The following TMOD1 variants were observed in gnomAD, a reference collection of about 807,000 sequenced individuals.
The protein encoded by TMOD1 is tropomodulin-1.
A neutral mutation model predicts 40.6 loss-of-function variants in TMOD1; 17 were observed. The ratio of observed to expected loss-of-function variants is 0.42; its 90% CI spans 0.29 to 0.63. TMOD1 has a LOEUF of 0.63. Among genes scored for constraint, TMOD1 ranks in the 20% least tolerant of loss-of-function variants. The pLI is 0.22. For missense variants in TMOD1, 391 were observed against 447.6 expected (o/e 0.87, Z 1.14); for synonymous variants, 181 against 175.0 (o/e 1.03, Z -0.27).
At chr9:97,577,590 C>T (rs987596233) in intron 8 of TMOD1, among the ~76,000 whole-genome samples, 1 of 152,202 alleles carries the variant, frequency 6.6e-6, no homozygotes, top group East Asian at 1.9e-4. Context: ...GAGTTCAAGA[C>T]CAGCCTGGCC....
intron 1 of TMOD1, among the ~76,000 whole-genome samples, chr9:97,523,541 C>T (rs1829949715): frequency 6.6e-6 from 1 of 152,214 alleles, no homozygotes; most frequent in Admixed American, 6.5e-5. Flanking sequence ...AAGTCCTTCT[C>T]TATAAAATGG....
At chr9:97,542,849 C>CAA (rs35096378) in intron 2 of TMOD1, among the ~76,000 whole-genome samples, 88 of 99,972 alleles carry the variant, frequency 8.8e-4, no homozygotes, top group African/African-American at 2.9e-3. Flanking sequence ...GACTCCATCT[C>CAA]AAAAAAAAAA....
At chr9:97,562,694 G>T in intron 4 of TMOD1, 38 bp from the exon 5 acceptor site, 4 of 1,462,272 alleles carry the variant, frequency 2.7e-6, no homozygotes, top group Non-Finnish European at 3.6e-6. Flanking sequence ...TCTTCTGTCT[G>T]CAGAGGCACA....
chr9:97,559,794 AATATATATATAT>A (rs1193457397), intron 4 of TMOD1, among the ~76,000 whole-genome samples: 7 of 23,178 alleles, frequency 3.0e-4, no homozygotes, highest in Admixed American at 1.5e-3. Flanking sequence ...AAAAAAAAAA[AATATATATATAT>A]ATATATATAT....
intron 1 of TMOD1, among the ~76,000 whole-genome samples, chr9:97,514,243 G>C (rs1446225272): frequency 7.0e-6 from 1 of 143,252 alleles, no homozygotes; most frequent in Non-Finnish European, 1.5e-5. Context: ...TTTTTTTTGG[G>C]GGGGGGGTTG....
intron 2 of TMOD1, among the ~76,000 whole-genome samples, chr9:97,539,836 G>A (rs1830247284): frequency 6.6e-6 from 1 of 151,862 alleles, no homozygotes; most frequent in African/African-American, 2.4e-5. Flanking sequence ...CATGGTGGCA[G>A]GCGCCTGTAG....
Position 97,600,719 on chromosome 9 carries a change from A to G in TMOD1, c.*1021A>G. The stretch of plus-strand genomic sequence containing the variant: ...CTCCGCAGGATGCCGGACAATGGTG[A>G]AGAAACTCCAGATATCAAGGAATTG... On this transcript the variant is annotated 3_prime_UTR_variant, in exon 10 of 10. Transcript: ENST00000259365. 9.9e-7 allele frequency: 1 copy of G among 1,005,682 alleles called. No homozygotes were observed. The highest frequency in any genetic ancestry group is 1.2e-6 in the Non-Finnish European group (1 of 842,198). 62.3% of individuals were successfully genotyped at this position (1,005,682 alleles called of 1,614,324 possible).
chr9:97,553,193 C>T, intron 3 of TMOD1, 88 bp from the exon 4 acceptor site: 2 of 1,584,996 alleles, frequency 1.3e-6, no homozygotes, highest in Non-Finnish European at 1.7e-6. Context: ...ACCCACAGGG[C>T]TCTACAATGG....
In TMOD1 at chr9:97,564,076, G is replaced by A. The variant is rs1830687432; in HGVS notation, c.526G>A (p.Glu176Lys). 3.7e-6 allele frequency: 6 copies of A among 1,614,168 alleles called. No individual in the cohort carries two copies. The highest frequency in any genetic ancestry group is 2.2e-5 in the East Asian group (1 of 44,886). The change falls in exon 6 of 10, where the codon GAA (glutamate) becomes AAA (lysine). Residue 176 changes from glutamate to lysine, a missense_variant. By Grantham distance (56) the Glu-to-Lys change is moderately conservative (BLOSUM62 1). Coordinates refer to ENST00000259365, the MANE Select transcript of TMOD1 (RefSeq NM_003275.4). ...CACACAATACAAGCCTGTGCCCGAC[G>A]AAGAACCAAATTCAACAGACGTAGA... ...KPTQYKPVPD[E>K]EPNSTDVEET...
intron 2 of TMOD1, among the ~76,000 whole-genome samples, chr9:97,534,716 C>T (rs904018597): frequency 6.6e-5 from 10 of 152,188 alleles, no homozygotes; most frequent in African/African-American, 1.7e-4. Flanking sequence ...CCAGCTGGCC[C>T]TTGAAGGGCA....
intron 8 of TMOD1, among the ~76,000 whole-genome samples, chr9:97,575,097 C>T (rs1386800329): frequency 6.6e-6 from 1 of 152,212 alleles, no homozygotes; most frequent in Admixed American, 6.5e-5. Context: ...CTCTGTTTGC[C>T]ATAAATCTTG....
chr9:97,584,142 G>A (rs371749674), intron 8 of TMOD1, among the ~76,000 whole-genome samples: 1 of 151,430 alleles, frequency 6.6e-6, no homozygotes, highest in Non-Finnish European at 1.5e-5. Context: ...GGCATTTAGT[G>A]CTATAAATTT....
At chr9:97,510,485 C>T (rs1448202193) in intron 1 of TMOD1, among the ~76,000 whole-genome samples, 4 of 152,230 alleles carry the variant, frequency 2.6e-5, no homozygotes, top group Non-Finnish European at 5.9e-5. Flanking sequence ...CCCACGTCAG[C>T]CTCCCAAAGT....
At chr9:97,533,479 C>G (rs1830133898) in intron 2 of TMOD1, among the ~76,000 whole-genome samples, 1 of 152,242 alleles carries the variant, frequency 6.6e-6, no homozygotes. Context: ...ACACTGTTCA[C>G]ATAGACTAGA....
At position 97,502,030 on chromosome 9, in the gene TMOD1, G is replaced by C. The variant is rs1829510074; in HGVS notation, c.-49+227G>C. On this transcript the variant is annotated intron_variant, in intron 1 of 9. Transcript: ENST00000259365. This position sits in a 1 kb window ranked among gnomAD's most constrained non-coding sequence, Gnocchi z 6.1. ...AGCGCTCCCGTCCCCGCCTCCCCGC[G>C]CGCGCAGCCCTGGCCAGGGCGCCCT... 6.6e-6 allele frequency among the ~76,000 whole-genome samples: 1 copy of C among 152,056 alleles called. No individual in the cohort carries two copies. Among genetic ancestry groups the C allele is most frequent in the South Asian group, 2.1e-4 (1 of 4,838 alleles).
rs1294781162 is a variant in TMOD1, at chr9:97,601,672, T to TCAA, written c.*1976_*1978dup. 1 of 684,564 alleles carries TCAA rather than the reference T, an allele frequency of 1.5e-6. No individual in the cohort carries two copies. The highest frequency in any genetic ancestry group is 1.3e-4 in the East Asian group (1 of 7,448). The allele number at this position is 684,564 out of a possible 1,614,324, so 42.4% of individuals were successfully genotyped here. On this transcript the variant is annotated 3_prime_UTR_variant, in exon 10 of 10. Coordinates refer to ENST00000259365, the MANE Select transcript of TMOD1 (RefSeq NM_003275.4). ...GCCACATAGTGTCTGTTGCAACTATTCAACTCTGCCATAGATCATGTGTAA... is the reference window on the plus strand; with the variant it reads ...GCCACATAGTGTCTGTTGCAACTATTCAACAACTCTGCCATAGATCATGTGTAA...
At chr9:97,523,966 C>T (rs560319832) in intron 1 of TMOD1, among the ~76,000 whole-genome samples, 175 bp from the exon 2 acceptor site, 7 of 152,328 alleles carry the variant, frequency 4.6e-5, no homozygotes, top group South Asian at 2.1e-4. Flanking sequence ...AGGACTTTAC[C>T]TTGCACAGTT....
chr9:97,590,776 TC>T (rs1372785274), intron 8 of TMOD1, among the ~76,000 whole-genome samples: 1 of 152,132 alleles, frequency 6.6e-6, no homozygotes, highest in African/African-American at 2.4e-5. Context: ...AAACCTTTTT[TC>T]CTTCTCTGGG....
intron 8 of TMOD1, among the ~76,000 whole-genome samples, chr9:97,580,615 A>C (rs1021593131): frequency 1.4e-5 from 2 of 146,144 alleles, no homozygotes; most frequent in African/African-American, 4.9e-5. Flanking sequence ...CAGAAAAGAA[A>C]GAAAGAGAGG....
Sources: allele counts gnomAD v4.1 joint callset (sites outside exome capture counted in the v4.1 genomes callset), GRCh38; gene constraint gnomAD v4.1.1; non-coding constraint Gnocchi (gnomAD v3.1); transcripts MANE v1.5; gene names NCBI Gene and HGNC (gene_info 2026-07-23, HGNC 2026-07-21).